CPVL: variants seen among roughly 807,000 people sequenced by gnomAD.
CPVL encodes probable serine carboxypeptidase CPVL.
Under a neutral mutation model 63.7 loss-of-function variants are expected in CPVL, and 51 were observed. The ratio of observed to expected loss-of-function variants is 0.80; its 90% CI spans 0.64 to 1.01. The LOEUF is 1.01. CPVL is among the 50% of genes least tolerant of loss of function. CPVL has a pLI of 0.00. For missense variants in CPVL, 530 were observed against 573.1 expected, an observed-to-expected ratio of 0.92 and a Z score of 0.77; for synonymous variants, 195 against 206.0, an observed-to-expected ratio of 0.95 and a Z score of 0.46.
intron 1 of CPVL, among the ~76,000 whole-genome samples, chr7:29,188,794 C>T (rs576303677): frequency 3.8e-4 from 58 of 152,174 alleles, no homozygotes; most frequent in African/African-American, 1.3e-3. Context: ...AAAAGAAAGT[C>T]GTCACCGGCA....
chr7:29,070,451 A>G (rs1016746929), intron 9 of CPVL, among the ~76,000 whole-genome samples: 3 of 152,206 alleles, frequency 2.0e-5, no homozygotes, highest in African/African-American at 7.2e-5. Flanking sequence ...GCCACATAAA[A>G]TTTGGTATTA....
chr7:29,010,876 A>G (rs1320475134), intron 12 of CPVL: 1 of 152,134 alleles, frequency 6.6e-6, no homozygotes, highest in Non-Finnish European at 1.5e-5. Flanking sequence ...GGTGGGTGAT[A>G]ATATTATCCC....
At chr7:29,007,060 C>G (rs923100952) in intron 12 of CPVL, among the ~76,000 whole-genome samples, 1 of 152,160 alleles carries the variant, frequency 6.6e-6, no homozygotes, top group African/African-American at 2.4e-5. Context: ...GTGGATAATA[C>G]TCTAAAATAC....
intron 5 of CPVL, among the ~76,000 whole-genome samples, chr7:29,160,712 G>C (rs1307102913): frequency 6.6e-6 from 1 of 152,130 alleles, no homozygotes; most frequent in Non-Finnish European, 1.5e-5. Flanking sequence ...TTGTGACCAT[G>C]AGGAAAAACC....
At chr7:29,182,782 C>T (rs896250396) in intron 4 of CPVL, among the ~76,000 whole-genome samples, 3 of 152,142 alleles carry the variant, frequency 2.0e-5, no homozygotes, top group African/African-American at 7.2e-5. Context: ...TGGAGGTAGG[C>T]TTATAGGAAA....
At chr7:29,163,168 G>A (rs1339966640) in intron 5 of CPVL, among the ~76,000 whole-genome samples, 2 of 151,992 alleles carry the variant, frequency 1.3e-5, no homozygotes, top group African/African-American at 2.4e-5. Context: ...ATTCTATTAT[G>A]GGAAAATTTT....
chr7:29,186,781 A>AT (rs956859821), intron 1 of CPVL, among the ~76,000 whole-genome samples: 13 of 149,992 alleles, frequency 8.7e-5, no homozygotes, highest in East Asian at 1.9e-4. Context: ...CTAAAGGGTA[A>AT]TTTTTTTTTT....
rs934979722 is a variant in CPVL, at chr7:29,121,208, C to T, written c.-10-137G>A. 11 of 716,710 alleles carry T rather than the reference C, an allele frequency of 1.5e-5. No homozygotes were observed. The African/African-American group carries it at 2.0e-4, about 13-fold the overall frequency. 44.4% of individuals were successfully genotyped at this position (716,710 alleles called of 1,614,324 possible). A position where few individuals can be genotyped will look rare whatever the true frequency, so the allele number is the denominator to read the frequency against. On this transcript the variant is annotated intron_variant, in intron 1 of 12. Transcript: ENST00000265394. ...CCCTCTGCAAGGACCTTGGATAGCA[C>T]CATAAATAAGCACACCCAATCCCTG...
chr7:29,101,996 C>T (rs1464343526), intron 3 of CPVL, among the ~76,000 whole-genome samples: 2 of 152,178 alleles, frequency 1.3e-5, no homozygotes, highest in South Asian at 2.1e-4. Flanking sequence ...TGTATTAATT[C>T]ATTTAACATA....
At chr7:29,054,687 T>C (rs980513327) in intron 11 of CPVL, among the ~76,000 whole-genome samples, 3 of 152,252 alleles carry the variant, frequency 2.0e-5, no homozygotes, top group African/African-American at 7.2e-5. Flanking sequence ...TTTCAGCCAC[T>C]GTTTCTTAAA....
intron 6 of CPVL, among the ~76,000 whole-genome samples, chr7:29,090,749 A>G (rs1019325057): frequency 6.6e-6 from 1 of 152,210 alleles, no homozygotes; most frequent in Non-Finnish European, 1.5e-5. Context: ...CCAAATAAGA[A>G]AAGTGGGAGA....
intron 12 of CPVL, among the ~76,000 whole-genome samples, chr7:29,023,834 T>C (rs950791515): frequency 1.8e-4 from 27 of 152,126 alleles, no homozygotes; most frequent in Admixed American, 5.9e-4. Flanking sequence ...GACACATCTA[T>C]TGGAAAACAT....
chr7:29,169,861 C>CAT lies in CPVL; in HGVS notation c.-11+11428_-11+11429insAT, dbSNP rs1554351983. Among the ~76,000 whole-genome samples the CAT allele has an allele frequency of 3.4e-3, 499 of 147,926 alleles. 2 individuals carry two copies. Among genetic ancestry groups the CAT allele is most frequent in the African/African-American group, 0.012 (477 of 39,904 alleles). ...ACACACATATATATAAGTATATATA[C>CAT]GTGTGTGTGTGTGTGTGTGTATATA... On this transcript the variant is annotated intron_variant, in intron 5 of 16. Coordinates refer to the CPVL transcript ENST00000409850.
At chr7:29,090,811 G>C (rs536095902) in intron 6 of CPVL, among the ~76,000 whole-genome samples, 49 of 152,254 alleles carry the variant, frequency 3.2e-4, no homozygotes, top group Middle Eastern at 3.4e-3. Context: ...CACAAAAGCA[G>C]CAAAACTGTG....
intron 5 of CPVL, among the ~76,000 whole-genome samples, chr7:29,155,696 A>G (rs1043743735): frequency 1.2e-4 from 19 of 152,144 alleles, no homozygotes; most frequent in Non-Finnish European, 2.6e-4. Flanking sequence ...GTGTTTTTAA[A>G]TCCTGTCCTT....
chr7:29,147,156 C>G, upstream of CPVL: 2 of 726,978 alleles, frequency 2.8e-6, no homozygotes, highest in Non-Finnish European at 4.4e-6. Flanking sequence ...TAGCCACCAC[C>G]AGGTGCTGGG....
rs1406140262 is a variant in CPVL at position 29,066,083 on chromosome 7, A to G, written c.903T>C (p.Asp301=). The change falls in exon 10 of 13, where the codon GAT becomes GAC. Residue 301 remains aspartate, a synonymous_variant. Transcript: ENST00000265394. ...CTGTAACATTCTGGAAGTAAGAAGGATCACTTGTTAAGTCGCCATCTAGTA... is the reference window on the plus strand; with the variant it reads ...CTGTAACATTCTGGAAGTAAGAAGGGTCACTTGTTAAGTCGCCATCTAGTA... ...DKLLDGDLTS[D]PSYFQNVTGC... The G allele has an allele frequency of 1.2e-6, 2 of 1,607,736 alleles. No individual in the cohort carries two copies. Among genetic ancestry groups the G allele is most frequent in the Admixed American group, 1.7e-5 (1 of 59,430 alleles).
chr7:29,000,956 G>A (rs1402065145), intron 12 of CPVL: 1 of 152,158 alleles, frequency 6.6e-6, no homozygotes, highest in Non-Finnish European at 1.5e-5. Context: ...ACATGCTTAT[G>A]TTTGCATTGT....
At position 29,144,851 on chromosome 7, in the gene CPVL, CA is replaced by C. The variant is rs1255424580; in HGVS notation, c.-11+1577del. Among the ~76,000 whole-genome samples, 3 of 152,256 alleles carry C rather than the reference CA, an allele frequency of 2.0e-5. No homozygotes were observed. In the East Asian group the frequency reaches 5.8e-4, roughly 29 times the overall value. On this transcript the variant is annotated intron_variant, in intron 1 of 12. Coordinates refer to ENST00000265394, the MANE Select transcript of CPVL (RefSeq NM_031311.5). ...TTTCTTAACACTCTTCTAAGTCATT[CA>C]AACTGTCAGTCAAAACCCACCTATT... is the stretch of plus-strand genomic sequence containing the variant.
Sources: allele counts gnomAD v4.1 joint callset (sites outside exome capture counted in the v4.1 genomes callset), GRCh38; gene constraint gnomAD v4.1.1; transcripts MANE v1.5; gene names NCBI Gene and HGNC (gene_info 2026-07-23, HGNC 2026-07-21).